TMTC2: variants seen among roughly 807,000 people sequenced by gnomAD.
TMTC2 encodes the protein protein O-mannosyl-transferase TMTC2.
A neutral mutation model predicts 82.4 loss-of-function variants in TMTC2; 43 were observed. The ratio of observed to expected loss-of-function variants is 0.52; its 90% CI spans 0.41 to 0.67. The LOEUF is 0.67. Ranked by LOEUF, TMTC2 falls within the 30% of genes least tolerant of loss-of-function variation. The pLI is 0.00. For synonymous variants in TMTC2, 408 were observed against 381.9 expected (o/e 1.07, Z -0.80); for missense variants, 919 against 1,012.4 (o/e 0.91, Z 1.25).
chr12:83,041,104 A>T (rs1209698019), intron 9 of TMTC2, among the ~76,000 whole-genome samples: 1 of 151,958 alleles, frequency 6.6e-6, no homozygotes, highest in African/African-American at 2.4e-5. Flanking sequence ...AATCCACTTT[A>T]AAAAAAAGTG....
chr12:82,729,415 T>C (rs1250872388), intron 1 of TMTC2, among the ~76,000 whole-genome samples: 2 of 152,092 alleles, frequency 1.3e-5, no homozygotes, highest in East Asian at 3.9e-4. Context: ...GCACTCTGTA[T>C]CTAGTTCAAG....
At chr12:82,852,263 G>A (rs1432510902) in intron 1 of TMTC2, among the ~76,000 whole-genome samples, 3 of 151,882 alleles carry the variant, frequency 2.0e-5, no homozygotes, top group East Asian at 3.9e-4. Flanking sequence ...CACCACGCCC[G>A]GCTAATTTTG....
At chr12:82,788,023 C>T (rs1004052960) in intron 1 of TMTC2, among the ~76,000 whole-genome samples, 3 of 152,034 alleles carry the variant, frequency 2.0e-5, no homozygotes, top group Non-Finnish European at 2.9e-5. Context: ...CTTTTAAGAA[C>T]GTGGTTACGT....
chr12:82,771,999 A>G (rs1877339241), intron 1 of TMTC2, among the ~76,000 whole-genome samples: 1 of 152,206 alleles, frequency 6.6e-6, no homozygotes, highest in Non-Finnish European at 1.5e-5. Context: ...TTCGTCTCAT[A>G]GTAACAACAT....
chr12:83,066,515 A>C (rs919641357), intron 11 of TMTC2, among the ~76,000 whole-genome samples: 6 of 151,966 alleles, frequency 3.9e-5, no homozygotes, highest in Non-Finnish European at 5.9e-5. Flanking sequence ...AAAGTGACAT[A>C]ATGAAAATAG....
chr12:82,943,214 G>A (rs1335547323), intron 4 of TMTC2, among the ~76,000 whole-genome samples: 1 of 152,166 alleles, frequency 6.6e-6, no homozygotes, highest in Non-Finnish European at 1.5e-5. Flanking sequence ...TGTTTGACAA[G>A]CTTGTCTCTC....
At chr12:82,815,300 A>ATTT (rs1473381120) in intron 1 of TMTC2, among the ~76,000 whole-genome samples, 8 of 141,636 alleles carry the variant, frequency 5.6e-5, no homozygotes, top group African/African-American at 2.2e-4. Context: ...TTTTTTAATT[A>ATTT]ATTAATTAAT....
intron 1 of TMTC2, among the ~76,000 whole-genome samples, chr12:82,718,756 A>G (rs1421076448): frequency 2.0e-5 from 3 of 152,076 alleles, no homozygotes; most frequent in Non-Finnish European, 4.4e-5. Context: ...TTTTACTTTT[A>G]TGTTTGTGGA....
At chr12:83,059,442 C>G (rs189669028) in intron 10 of TMTC2, among the ~76,000 whole-genome samples, 98 of 151,776 alleles carry the variant, frequency 6.5e-4, no homozygotes, top group African/African-American at 2.3e-3. Flanking sequence ...CTACAGTTTT[C>G]CATGTTCTGC....
chr12:82,701,941 A>T (rs918653623), intron 1 of TMTC2, among the ~76,000 whole-genome samples: 2 of 152,016 alleles, frequency 1.3e-5, no homozygotes, highest in African/African-American at 4.8e-5. Flanking sequence ...TTAACTCCCC[A>T]AAAAAACCTA....
intron 8 of TMTC2, among the ~76,000 whole-genome samples, chr12:82,992,154 C>T (rs1369695451): frequency 6.6e-6 from 1 of 152,186 alleles, no homozygotes; most frequent in Non-Finnish European, 1.5e-5. Flanking sequence ...GGAGGTTCCA[C>T]AGAAAAGTCC....
chr12:82,969,434 G>A (rs1878357277), intron 7 of TMTC2, among the ~76,000 whole-genome samples: 2 of 151,854 alleles, frequency 1.3e-5, no homozygotes, highest in East Asian at 1.9e-4. Flanking sequence ...TTTGTTTAGA[G>A]GTTAGGAGAA....
intron 9 of TMTC2, among the ~76,000 whole-genome samples, chr12:83,048,209 C>A (rs1257551658): frequency 6.6e-6 from 1 of 152,180 alleles, no homozygotes; most frequent in Non-Finnish European, 1.5e-5. Flanking sequence ...GTTAGCCTGG[C>A]AATCTTTATG....
intron 11 of TMTC2, among the ~76,000 whole-genome samples, chr12:83,126,214 C>T (rs1885092587): frequency 6.6e-6 from 1 of 152,076 alleles, no homozygotes; most frequent in Non-Finnish European, 1.5e-5. Flanking sequence ...ATAATATTTA[C>T]ATTTGCTATG....
intron 11 of TMTC2, among the ~76,000 whole-genome samples, chr12:83,078,909 A>T (rs1228083289): frequency 6.6e-6 from 1 of 152,144 alleles, no homozygotes; most frequent in African/African-American, 2.4e-5. Flanking sequence ...AAATAATTAG[A>T]AATGATCCTT....
At chr12:82,726,067 G>A (rs1475586651) in intron 1 of TMTC2, among the ~76,000 whole-genome samples, 1 of 152,024 alleles carries the variant, frequency 6.6e-6, no homozygotes, top group African/African-American at 2.4e-5. Context: ...CACTTTGCAG[G>A]GCCATTTCAA....
intron 8 of TMTC2, among the ~76,000 whole-genome samples, chr12:83,011,066 C>T (rs545780748): frequency 6.6e-6 from 1 of 152,290 alleles, no homozygotes; most frequent in African/African-American, 2.4e-5. Flanking sequence ...AACTCCTGAC[C>T]TCAGGTAATC....
intron 1 of TMTC2, among the ~76,000 whole-genome samples, chr12:82,843,975 A>C (rs1388383437): frequency 2.6e-5 from 4 of 152,174 alleles, no homozygotes; most frequent in African/African-American, 9.7e-5. Context: ...GATTTGGTTA[A>C]GACTCAATTC....
chr12:82,731,022 A>G (rs1366918835), intron 1 of TMTC2, among the ~76,000 whole-genome samples: 1 of 152,246 alleles, frequency 6.6e-6, no homozygotes, highest in Non-Finnish European at 1.5e-5. Flanking sequence ...ATTATTTTAA[A>G]TGCATCTGTA....
Sources: gnomAD v4.1 joint callset for allele counts (sites outside exome capture counted in the v4.1 genomes callset) on GRCh38, gnomAD v4.1.1 for gene constraint, MANE v1.5 for transcripts, NCBI Gene and HGNC (gene_info 2026-07-23, HGNC 2026-07-21) for gene names.